RANBP2: variants seen among roughly 807,000 people sequenced by gnomAD.
RANBP2 encodes RAN binding protein 2, also known as E3 SUMO-protein ligase RanBP2.
In RANBP2, 57 loss-of-function variants were observed where a neutral mutation model predicts 303.6. That is an observed-to-expected ratio of 0.19 (90% confidence interval 0.15 to 0.23). The LOEUF is 0.23. Among genes scored for constraint, RANBP2 ranks in the 10% least tolerant of loss-of-function variants. The probability of loss-of-function intolerance (pLI) is 1.00; values close to 1 mark genes in which losing one functional copy is unlikely to be tolerated. For synonymous variants in RANBP2, 1,167 were observed against 1,301.5 expected (o/e 0.90, Z 2.23); for missense variants, 3,138 against 3,780.8 (o/e 0.83, Z 4.46).
the RANBP2 span, among the ~76,000 whole-genome samples, chr2:109,132,472 A>G: frequency 4.6e-5 from 7 of 152,208 alleles, no homozygotes. Context: ...CGTGGTTAGC[A>G]GAACCTCTCA....
chr2:109,398,897 C>T, the RANBP2 span: 32 of 1,613,528 alleles, frequency 2.0e-5, 1 homozygote, highest in Non-Finnish European at 1.7e-6. Flanking sequence ...CGAGCCGCGG[C>T]CAGGATTGGA....
At chr2:109,212,532 C>G in the RANBP2 span, among the ~76,000 whole-genome samples, 1 of 152,196 alleles carries the variant, frequency 6.6e-6, no homozygotes, top group Non-Finnish European at 1.5e-5. Context: ...GGTAGCTTTG[C>G]CCAGCTGGCT....
chr2:109,711,180 C>A, the RANBP2 span, among the ~76,000 whole-genome samples: 1 of 152,056 alleles, frequency 6.6e-6, no homozygotes, highest in African/African-American at 2.4e-5. Flanking sequence ...TTCAGCCGCC[C>A]CGGCAAGTCC....
At chr2:109,347,882 G>T in the RANBP2 span, 1 of 1,612,770 alleles carries the variant, frequency 6.2e-7, no homozygotes, top group Non-Finnish European at 8.5e-7. Flanking sequence ...CCGCCCCAGG[G>T]AAAAGCACTT....
the RANBP2 span, among the ~76,000 whole-genome samples, chr2:109,085,909 A>G: frequency 6.6e-6 from 1 of 152,106 alleles, no homozygotes; most frequent in African/African-American, 2.4e-5. Flanking sequence ...CTGGCCCATC[A>G]AAACCATTTT....
the RANBP2 span, among the ~76,000 whole-genome samples, chr2:109,062,479 G>T: frequency 6.6e-6 from 1 of 152,132 alleles, no homozygotes; most frequent in Non-Finnish European, 1.5e-5. Flanking sequence ...ATGATCTTGT[G>T]TGTATAGCCG....
At chr2:109,067,937 G>T in the RANBP2 span, among the ~76,000 whole-genome samples, 4 of 152,170 alleles carry the variant, frequency 2.6e-5, no homozygotes, top group Admixed American at 6.5e-5. Context: ...AGCTCCAGCT[G>T]CTGGGTGGAG....
chr2:108,803,983 T>G, the RANBP2 span, among the ~76,000 whole-genome samples: 1 of 152,238 alleles, frequency 6.6e-6, no homozygotes, highest in Non-Finnish European at 1.5e-5. Flanking sequence ...AGTAATAAAG[T>G]CATACAAAGA....
At chr2:109,661,592 G>C in the RANBP2 span, among the ~76,000 whole-genome samples, 3 of 152,210 alleles carry the variant, frequency 2.0e-5, no homozygotes, top group African/African-American at 7.2e-5. Context: ...ACAAACTTTT[G>C]CTTATATTCC....
At chr2:109,130,616 G>A in the RANBP2 span, among the ~76,000 whole-genome samples, 13 of 152,266 alleles carry the variant, frequency 8.5e-5, no homozygotes, top group Non-Finnish European at 1.5e-5. Context: ...GGGGTTTGGA[G>A]GAATGCTTCT....
At chr2:109,445,826 G>T in the RANBP2 span, among the ~76,000 whole-genome samples, 1 of 152,020 alleles carries the variant, frequency 6.6e-6, no homozygotes, top group Non-Finnish European at 1.5e-5. Context: ...CTGAAAATAA[G>T]GAAAGGACAA....
At chr2:109,640,500 C>T in the RANBP2 span, among the ~76,000 whole-genome samples, 3 of 152,102 alleles carry the variant, frequency 2.0e-5, no homozygotes, top group African/African-American at 7.2e-5. Flanking sequence ...AAACCCAAGT[C>T]TCCTTTAATA....
chr2:108,943,581 G>A, the RANBP2 span, among the ~76,000 whole-genome samples: 1 of 152,174 alleles, frequency 6.6e-6, no homozygotes, highest in Non-Finnish European at 1.5e-5. Context: ...GTGTGACATG[G>A]GGCAGTCACC....
chr2:109,155,202 G>A, the RANBP2 span, among the ~76,000 whole-genome samples: 3 of 152,226 alleles, frequency 2.0e-5, no homozygotes, highest in Non-Finnish European at 4.4e-5. Flanking sequence ...ATGTTCAGTG[G>A]TGTTCTCATC....
the RANBP2 span, among the ~76,000 whole-genome samples, chr2:108,878,058 A>G: frequency 6.6e-6 from 1 of 152,226 alleles, no homozygotes; most frequent in African/African-American, 2.4e-5. Context: ...TATACCACTT[A>G]CGTACTATTC....
the RANBP2 span, among the ~76,000 whole-genome samples, chr2:109,762,997 T>C: frequency 1.4e-5 from 2 of 147,420 alleles, 1 homozygote; most frequent in African/African-American, 5.0e-5. Context: ...TTTTTAAGTT[T>C]ATGGTTACTT....
the RANBP2 span, among the ~76,000 whole-genome samples, chr2:109,413,964 C>T: frequency 2.0e-5 from 3 of 152,220 alleles, no homozygotes; most frequent in African/African-American, 7.2e-5. Context: ...GTCAGCATTC[C>T]CAAGACCAGT....
At chr2:109,438,636 A>G in the RANBP2 span, among the ~76,000 whole-genome samples, 20 of 152,246 alleles carry the variant, frequency 1.3e-4, 1 homozygote, top group South Asian at 4.2e-3. Flanking sequence ...CTGCAGCAAT[A>G]TTACCTGGTG....
At chr2:109,582,110 A>ACACACACACACT in the RANBP2 span, among the ~76,000 whole-genome samples, 14 of 134,856 alleles carry the variant, frequency 1.0e-4, no homozygotes, top group Non-Finnish European at 2.0e-4. Context: ...ACACACACAC[A>ACACACACACACT]CACTCACTCT....
Sources: gnomAD v4.1 joint callset for allele counts (sites outside exome capture counted in the v4.1 genomes callset) on GRCh38, gnomAD v4.1.1 for gene constraint, MANE v1.5 for transcripts, NCBI Gene and HGNC (gene_info 2026-07-23, HGNC 2026-07-21) for gene names.